AKAP6: variants seen among roughly 807,000 people sequenced by gnomAD.
The protein encoded by AKAP6 is A-kinase anchoring protein 6.
A neutral mutation model predicts 188.5 loss-of-function variants in AKAP6; 58 were observed. The observed-to-expected ratio is 0.31, with a 90% confidence interval of 0.25 to 0.38. The LOEUF (loss-of-function observed/expected upper bound fraction) is 0.38, where lower values mean the gene tolerates loss of function less well. Among genes scored for constraint, AKAP6 ranks in the 10% least tolerant of loss-of-function variants. AKAP6 has a pLI of 1.00. For synonymous variants in AKAP6, 989 were observed against 998.6 expected (o/e 0.99, Z 0.18); for missense variants, 2,710 against 2,740.0 (o/e 0.99, Z 0.24).
At chr14:32,527,674 G>T (rs1031721588) in intron 2 of AKAP6, among the ~76,000 whole-genome samples, 1 of 152,032 alleles carries the variant, frequency 6.6e-6, no homozygotes, top group Non-Finnish European at 1.5e-5. Flanking sequence ...GTATCTCATT[G>T]TTTTAATTTG....
intron 1 of AKAP6, among the ~76,000 whole-genome samples, chr14:32,336,669 C>A (rs532651422): frequency 3.3e-5 from 5 of 152,326 alleles, no homozygotes; most frequent in Middle Eastern, 3.4e-3. Context: ...CTCTCATCTT[C>A]TGTTCTCATC....
At chr14:32,535,453 T>C (rs1401420341) in intron 2 of AKAP6, 101 bp from the exon 3 acceptor site, 2 of 1,375,086 alleles carry the variant, frequency 1.5e-6, no homozygotes, top group African/African-American at 1.4e-5. Flanking sequence ...CTGTTGGCCC[T>C]GATAATTGGT....
chr14:32,733,151 A>G (rs1420015691), intron 10 of AKAP6: 1 of 149,506 alleles, frequency 6.7e-6, no homozygotes, highest in Non-Finnish European at 1.5e-5. Context: ...ACAAAAGCCA[A>G]AAAAAAAAAA....
rs1247169108 is a variant in AKAP6, at chr14:32,690,390, TG to T, written c.2880-5599del. Reference sequence around the variant, plus strand: ...AAATACCAAAGGCTGAATGCATTTATGTATTCAAACACTTAGCTAGTCAAAT... The same window carrying T: ...AAATACCAAAGGCTGAATGCATTTATTATTCAAACACTTAGCTAGTCAAAT... On this transcript the variant is annotated intron_variant, in intron 8 of 13. Coordinates refer to ENST00000280979, the MANE Select transcript of AKAP6 (RefSeq NM_004274.5). 5.9e-5 allele frequency among the ~76,000 whole-genome samples: 9 copies of T among 152,288 alleles called. No individual in the cohort carries two copies. In the East Asian group the frequency reaches 1.7e-3, roughly 29 times the overall value.
intron 2 of AKAP6, among the ~76,000 whole-genome samples, chr14:32,492,131 T>C (rs1880047766): frequency 2.0e-5 from 3 of 151,954 alleles, no homozygotes; most frequent in Admixed American, 6.6e-5. Flanking sequence ...ACTATCCTTC[T>C]ACATCTCATG....
At chr14:32,688,985 C>A (rs1890049267) in intron 8 of AKAP6, among the ~76,000 whole-genome samples, 1 of 152,154 alleles carries the variant, frequency 6.6e-6, no homozygotes, top group Admixed American at 6.6e-5. Context: ...AAATGGTGAA[C>A]TGCCCAACTC....
chr14:32,483,010 T>C (rs1879443884), intron 2 of AKAP6, among the ~76,000 whole-genome samples: 2 of 141,544 alleles, frequency 1.4e-5, no homozygotes, highest in Non-Finnish European at 3.0e-5. Context: ...TATATATATA[T>C]ATGTATCTTG....
chr14:32,595,410 C>T (rs1885653070), intron 5 of AKAP6, among the ~76,000 whole-genome samples: 1 of 152,138 alleles, frequency 6.6e-6, no homozygotes, highest in Admixed American at 6.5e-5. Flanking sequence ...GTTCTTTCTC[C>T]ACAAGCTCCC....
chr14:32,814,605 C>G (rs1950215), intron 12 of AKAP6, among the ~76,000 whole-genome samples: 47,880 of 152,126 alleles, frequency 0.31, 7,969 homozygotes, highest in East Asian at 0.52. Context: ...GGATTTTCCA[C>G]GTGATTTTGC....
At chr14:32,402,582 C>T (rs1889132094) in intron 1 of AKAP6, among the ~76,000 whole-genome samples, 1 of 152,120 alleles carries the variant, frequency 6.6e-6, no homozygotes, top group Non-Finnish European at 1.5e-5. Flanking sequence ...GAACTAATGT[C>T]CCTACTCTTG....
chr14:32,350,872 T>C (rs1887242189), intron 1 of AKAP6, among the ~76,000 whole-genome samples: 1 of 152,142 alleles, frequency 6.6e-6, no homozygotes, highest in Non-Finnish European at 1.5e-5. Flanking sequence ...CTTCTCTGAG[T>C]AGGAACTCCA....
At chr14:32,776,521 A>G (rs144127134) in intron 12 of AKAP6, among the ~76,000 whole-genome samples, 2 of 152,308 alleles carry the variant, frequency 1.3e-5, no homozygotes, top group East Asian at 3.9e-4. Flanking sequence ...TGTCTTTATC[A>G]GCAGTGTGAA....
chr14:32,805,701 A>T (rs1190019316), intron 12 of AKAP6, among the ~76,000 whole-genome samples: 1 of 152,206 alleles, frequency 6.6e-6, no homozygotes, highest in African/African-American at 2.4e-5. Flanking sequence ...CCCTCTATAG[A>T]AGATCAGATT....
intron 1 of AKAP6, among the ~76,000 whole-genome samples, chr14:32,356,976 A>G (rs1211646843): frequency 6.6e-6 from 1 of 152,080 alleles, no homozygotes; most frequent in African/African-American, 2.4e-5. Context: ...TAAAATTCAT[A>G]TTACAGTGAA....
At chr14:32,433,934 G>A in intron 2 of AKAP6, 117 bp downstream of exon 2, 1 of 925,282 alleles carries the variant, frequency 1.1e-6, no homozygotes, top group Non-Finnish European at 1.6e-6. Context: ...CACAGTACCA[G>A]GTTTCAAACC....
chr14:32,781,657 C>T (rs956787025), intron 12 of AKAP6, among the ~76,000 whole-genome samples: 1 of 152,008 alleles, frequency 6.6e-6, no homozygotes, highest in East Asian at 1.9e-4. Context: ...AGATTCTTAA[C>T]AAAATTTTAT....
chr14:32,697,048 A>G (rs1890432615), intron 9 of AKAP6, among the ~76,000 whole-genome samples: 1 of 152,190 alleles, frequency 6.6e-6, no homozygotes, highest in African/African-American at 2.4e-5. Flanking sequence ...ATGACAAGAA[A>G]CAACTACCTT....
At chr14:32,817,695 A>G (rs1226849953) in intron 12 of AKAP6, among the ~76,000 whole-genome samples, 1 of 152,042 alleles carries the variant, frequency 6.6e-6, no homozygotes, top group Non-Finnish European at 1.5e-5. Flanking sequence ...ATACTCTTAG[A>G]TTTTGTCTAA....
At chr14:32,651,081 T>G (rs1293878325) in intron 7 of AKAP6, among the ~76,000 whole-genome samples, 1 of 152,142 alleles carries the variant, frequency 6.6e-6, no homozygotes, top group Non-Finnish European at 1.5e-5. Flanking sequence ...CTTTGGGACT[T>G]GTGTAGGTTA....
Sources: allele counts gnomAD v4.1 joint callset (sites outside exome capture counted in the v4.1 genomes callset), GRCh38; gene constraint gnomAD v4.1.1; transcripts MANE v1.5; gene names NCBI Gene and HGNC (gene_info 2026-07-23, HGNC 2026-07-21).